ATP8B4: variants seen among roughly 807,000 people sequenced by gnomAD.
ATP8B4 encodes the protein probable phospholipid-transporting ATPase IM.
In ATP8B4, 133 loss-of-function variants were observed where a neutral mutation model predicts 145.6. The ratio of observed to expected loss-of-function variants is 0.91; its 90% CI spans 0.79 to 1.05. The LOEUF is 1.05. ATP8B4 is among the 50% of genes least tolerant of loss of function. The probability of loss-of-function intolerance (pLI) is 0.00; values close to 1 mark genes in which losing one functional copy is unlikely to be tolerated. For missense variants in ATP8B4, 1,458 were observed against 1,425.2 expected (o/e 1.02, Z -0.37); for synonymous variants, 507 against 492.9 (o/e 1.03, Z -0.38).
intron 2 of ATP8B4, among the ~76,000 whole-genome samples, chr15:50,094,260 T>C (rs1017838914): frequency 6.6e-6 from 1 of 152,018 alleles, no homozygotes; most frequent in African/African-American, 2.4e-5. Context: ...AAAGGCTGAG[T>C]AGAAGGAACT....
At chr15:50,037,640 T>C (rs1433737032) in intron 6 of ATP8B4, among the ~76,000 whole-genome samples, 1 of 152,160 alleles carries the variant, frequency 6.6e-6, no homozygotes. Context: ...TTTAACACCA[T>C]ATTGTGGCGG....
At chr15:49,926,059 C>A (rs1356554636) in intron 16 of ATP8B4, among the ~76,000 whole-genome samples, 1 of 151,964 alleles carries the variant, frequency 6.6e-6, no homozygotes, top group African/African-American at 2.4e-5. Context: ...ATCTTCCCAT[C>A]CTTCATACTG....
chr15:50,152,961 A>G (rs1227091950), intron 1 of ATP8B4, among the ~76,000 whole-genome samples: 2 of 152,256 alleles, frequency 1.3e-5, no homozygotes, highest in African/African-American at 4.8e-5. Context: ...TGTTTAGATA[A>G]CTGCAAGTCA....
In ATP8B4 at chr15:50,044,598, T is replaced by C. The variant is rs376376104; in HGVS notation, c.296A>G (p.Asp99Gly). 4.4e-6 allele frequency: 7 copies of C among 1,604,444 alleles called. No individual in the cohort carries two copies. The East Asian group carries it at 6.7e-5, about 15-fold the overall frequency. Reference sequence around the variant, plus strand: ...TGCTCAAGAGCAAATACTCACATAGTCATCTGTGGCATCTTTGACAGCTGT... The same window carrying C: ...TGCTCAAGAGCAAATACTCACATAGCCATCTGTGGCATCTTTGACAGCTGT... ...TMTAVKDATD[D>G]YFRHKSDNQV... is the part of the protein sequence containing the mutation. Residue 99 changes from aspartate (D) to glycine (G), a missense_variant, in exon 5 of 28, where the codon GAC becomes GGC. Physicochemically the swap from Asp to Gly is moderately conservative, Grantham distance 94. Transcript: ENST00000284509.
intron 6 of ATP8B4, among the ~76,000 whole-genome samples, chr15:50,017,607 A>C (rs2049190067): frequency 6.6e-6 from 1 of 152,222 alleles, no homozygotes; most frequent in Admixed American, 6.5e-5. Flanking sequence ...TGATAGTCTC[A>C]ATCAATTTGC....
At chr15:50,046,613 TCTTA>T (rs2051744678) in intron 4 of ATP8B4, among the ~76,000 whole-genome samples, 1 of 152,366 alleles carries the variant, frequency 6.6e-6, no homozygotes, top group East Asian at 1.9e-4. Flanking sequence ...TAATCCATCT[TCTTA>T]CTTCTTAGCC....
At chr15:49,916,598 CT>C (rs1314594307) in intron 20 of ATP8B4, among the ~76,000 whole-genome samples, 7 of 152,202 alleles carry the variant, frequency 4.6e-5, no homozygotes, top group African/African-American at 1.7e-4. Context: ...TAAGAAGTAT[CT>C]CATGATACTG....
intron 13 of ATP8B4, among the ~76,000 whole-genome samples, chr15:49,968,638 C>T (rs555432747): frequency 3.4e-5 from 5 of 148,770 alleles, no homozygotes; most frequent in Non-Finnish European, 7.5e-5. Context: ...TTCTTAGAGA[C>T]GTACAAACAG....
intron 2 of ATP8B4, among the ~76,000 whole-genome samples, chr15:50,099,767 G>A (rs554501664): frequency 3.5e-4 from 54 of 152,210 alleles, no homozygotes; most frequent in African/African-American, 9.1e-4. Flanking sequence ...TGCCAGGCGC[G>A]GTGGCTCACG....
upstream of ATP8B4, among the ~76,000 whole-genome samples, chr15:50,121,003 A>G (rs536035947): frequency 6.6e-6 from 1 of 152,308 alleles, no homozygotes; most frequent in Admixed American, 6.5e-5. Flanking sequence ...TAGCTATTAT[A>G]AATAAGAGAT....
At chr15:49,987,364 G>A (rs2046702360) in intron 10 of ATP8B4, 27 bp downstream of exon 10, 1 of 1,609,284 alleles carries the variant, frequency 6.2e-7, no homozygotes, top group Non-Finnish European at 8.5e-7. Flanking sequence ...GGTTCCCACA[G>A]AGCTGGCCTT....
chr15:50,135,614 A>G lies in ATP8B4; in HGVS notation c.-42-28606T>C, dbSNP rs1303796501. ...AAAAATCCAAGCACAAGAATTCCAA[A>G]TGAGACTTTACCTGGTGGCACAATA... On this transcript the variant is annotated intron_variant, in intron 1 of 3. Transcript: ENST00000558829. 2.6e-5 allele frequency among the ~76,000 whole-genome samples: 4 copies of G among 152,192 alleles called. No individual in the cohort carries two copies. The East Asian group carries it at 5.8e-4, about 22-fold the overall frequency.
intron 1 of ATP8B4, among the ~76,000 whole-genome samples, chr15:50,129,946 CAAAAAAAAA>C (rs59921497): frequency 2.3e-5 from 2 of 88,118 alleles, no homozygotes; most frequent in East Asian, 2.8e-4. Context: ...GACTCTGACT[CAAAAAAAAA>C]AAAAAAAAAA....
In ATP8B4 at chr15:49,915,039, A is replaced by G. The variant is rs76045535; in HGVS notation, c.2141+1895T>C. Reference sequence around the variant, plus strand: ...TACTGTAGCACTACTCATAATATCAAATATATATGAAATCAACCCAAGTGT... The same window carrying G: ...TACTGTAGCACTACTCATAATATCAGATATATATGAAATCAACCCAAGTGT... On this transcript the variant is annotated intron_variant, in intron 20 of 27. Transcript: ENST00000284509. Among the ~76,000 whole-genome samples, 440 of 152,294 alleles carry G rather than the reference A, an allele frequency of 2.9e-3. 3 individuals carry two copies. Among genetic ancestry groups the G allele is most frequent in the African/African-American group, 0.01 (426 of 41,572 alleles).
intron 1 of ATP8B4, among the ~76,000 whole-genome samples, chr15:50,151,006 G>A (rs2044340329): frequency 6.6e-6 from 1 of 152,184 alleles, no homozygotes; most frequent in South Asian, 2.1e-4. Context: ...ATCCTGGTTT[G>A]CAGATTAAAT....
chr15:50,083,518 C>A (rs2054693395), intron 2 of ATP8B4, among the ~76,000 whole-genome samples: 1 of 152,098 alleles, frequency 6.6e-6, no homozygotes, highest in African/African-American at 2.4e-5. Context: ...TTTAATTTTC[C>A]TCTGTGAAAC....
intron 1 of ATP8B4, among the ~76,000 whole-genome samples, chr15:50,116,936 T>C (rs555732220): frequency 2.6e-5 from 4 of 152,210 alleles, no homozygotes; most frequent in Non-Finnish European, 4.4e-5. Flanking sequence ...AGGAGGTTAC[T>C]ATTTTTTAAT....
rs1407971478 is a variant in ATP8B4 at position 49,921,409 on chromosome 15, CT to C, written c.1759-1000del. Among the ~76,000 whole-genome samples the C allele has an allele frequency of 2.0e-5, 3 of 152,280 alleles. No homozygotes were observed. The East Asian group carries it at 5.8e-4, about 29-fold the overall frequency. ...GTGACAATCTCAAACACCTTTGGTGCTTTATCCTAATAGTAGGGGAAAAGAA... is the reference window on the plus strand; with the variant it reads ...GTGACAATCTCAAACACCTTTGGTGCTTATCCTAATAGTAGGGGAAAAGAA... On this transcript the variant is annotated intron_variant, in intron 17 of 27. Transcript: ENST00000284509.
At chr15:49,942,594 A>G (rs2042245856) in intron 14 of ATP8B4, among the ~76,000 whole-genome samples, 1 of 152,086 alleles carries the variant, frequency 6.6e-6, no homozygotes, top group Non-Finnish European at 1.5e-5. Context: ...TTAAAGAGGA[A>G]TAGAAGTAAG....
Sources: allele counts gnomAD v4.1 joint callset (sites outside exome capture counted in the v4.1 genomes callset), GRCh38; gene constraint gnomAD v4.1.1; transcripts MANE v1.5; gene names NCBI Gene and HGNC (gene_info 2026-07-23, HGNC 2026-07-21).